DOK5: variants seen among roughly 807,000 people sequenced by gnomAD.
The protein encoded by DOK5 is docking protein 5, also known as downstream of tyrosine kinase 5.
A neutral mutation model predicts 43.3 loss-of-function variants in DOK5; 27 were observed. The observed-to-expected ratio is 0.62, with a 90% CI of 0.46 to 0.86. The LOEUF (loss-of-function observed/expected upper bound fraction) is 0.86, where lower values mean the gene tolerates loss of function less well. DOK5 is among the 40% of genes least tolerant of loss of function. The probability of loss-of-function intolerance (pLI) is 0.00; values close to 1 mark genes in which losing one functional copy is unlikely to be tolerated. For missense variants in DOK5, 373 were observed against 392.9 expected (o/e 0.95, Z 0.43); for synonymous variants, 146 against 140.1 (o/e 1.04, Z -0.30).
In DOK5 at chr20:54,641,391, T is replaced by C. The variant is rs1238368529; in HGVS notation, c.736-2067T>C. On this transcript the variant is annotated intron_variant, in intron 6 of 7. Coordinates refer to ENST00000262593, the MANE Select transcript of DOK5 (RefSeq NM_018431.5). Reference sequence around the variant, plus strand: ...ACAATGAGTTTTGGTCTTCAACATATGAAGCCTCCTATTATTTTGGCTTTA... The same window carrying C: ...ACAATGAGTTTTGGTCTTCAACATACGAAGCCTCCTATTATTTTGGCTTTA... Among the ~76,000 whole-genome samples the C allele has an allele frequency of 5.3e-5, 8 of 152,292 alleles. No homozygotes were observed. The East Asian group carries it at 7.7e-4, about 15-fold the overall frequency.
chr20:54,590,768 C>T (rs1038515551), intron 4 of DOK5, among the ~76,000 whole-genome samples: 3 of 152,020 alleles, frequency 2.0e-5, no homozygotes, highest in Admixed American at 6.6e-5. Flanking sequence ...GCCACATTGT[C>T]GTATGTAGGC....
At chr20:54,556,222 A>T (rs994985251) in intron 2 of DOK5, among the ~76,000 whole-genome samples, 3 of 152,122 alleles carry the variant, frequency 2.0e-5, no homozygotes, top group South Asian at 2.1e-4. Context: ...GCAGTTCCAC[A>T]TTCCAAGGCT....
intron 1 of DOK5, among the ~76,000 whole-genome samples, chr20:54,543,113 A>G (rs1984220172): frequency 6.6e-6 from 1 of 152,220 alleles, no homozygotes; most frequent in African/African-American, 2.4e-5. Flanking sequence ...AATTGTGTTA[A>G]AAGATAATTT....
chr20:54,555,370 A>G (rs923017300), intron 2 of DOK5: 8 of 175,566 alleles, frequency 4.6e-5, no homozygotes, highest in Non-Finnish European at 8.5e-5. Context: ...TGCCTGATGC[A>G]GAAAGACACT....
intron 1 of DOK5, among the ~76,000 whole-genome samples, chr20:54,478,099 G>C (rs1981508047): frequency 6.6e-6 from 1 of 152,134 alleles, no homozygotes; most frequent in South Asian, 2.1e-4. Context: ...TTGAATTATG[G>C]TTATTGCTCA....
chr20:54,554,265 A>G (rs1248649478), intron 1 of DOK5, among the ~76,000 whole-genome samples: 1 of 152,218 alleles, frequency 6.6e-6, no homozygotes, highest in African/African-American at 2.4e-5. Flanking sequence ...AGTAGAAATG[A>G]TCTAGTTCCC....
At chr20:54,573,700 A>C (rs1336657271) in intron 2 of DOK5, among the ~76,000 whole-genome samples, 3 of 151,650 alleles carry the variant, frequency 2.0e-5, no homozygotes, top group Non-Finnish European at 2.9e-5. Flanking sequence ...AAAAAAAAAA[A>C]AAAAAAAAAG....
intron 1 of DOK5, among the ~76,000 whole-genome samples, chr20:54,502,259 C>T (rs1453441733): frequency 6.6e-6 from 1 of 152,182 alleles, no homozygotes; most frequent in African/African-American, 2.4e-5. Context: ...GTAGACCACA[C>T]ATTCATTCAT....
At chr20:54,602,994 C>T (rs1986344348) in intron 5 of DOK5, among the ~76,000 whole-genome samples, 1 of 152,112 alleles carries the variant, frequency 6.6e-6, no homozygotes. Context: ...TTTAAGTCTG[C>T]TTTCAATTTA....
intron 1 of DOK5, among the ~76,000 whole-genome samples, chr20:54,482,229 A>T (rs1448568900): frequency 3.3e-5 from 5 of 152,188 alleles, no homozygotes; most frequent in Non-Finnish European, 7.3e-5. Context: ...CTGGACTAGG[A>T]GGTATTTTTG....
intron 5 of DOK5, among the ~76,000 whole-genome samples, chr20:54,592,731 T>G (rs1986016927): frequency 6.6e-6 from 1 of 152,134 alleles, no homozygotes; most frequent in African/African-American, 2.4e-5. Context: ...TCAGTAGAGA[T>G]GGGGTTTCAC....
intron 1 of DOK5, among the ~76,000 whole-genome samples, chr20:54,497,375 T>C (rs1378000856): frequency 6.6e-6 from 1 of 152,244 alleles, no homozygotes; most frequent in East Asian, 1.9e-4. Context: ...TTGAACAACA[T>C]GCAGCTACTT....
At chr20:54,547,838 G>A (rs571906174) in intron 1 of DOK5, among the ~76,000 whole-genome samples, 2 of 152,306 alleles carry the variant, frequency 1.3e-5, no homozygotes, top group Admixed American at 1.3e-4. Flanking sequence ...ACAGTGGCCT[G>A]TGGGGATTGA....
intron 2 of DOK5, among the ~76,000 whole-genome samples, chr20:54,570,494 C>T (rs1246685721): frequency 6.6e-6 from 1 of 152,028 alleles, no homozygotes; most frequent in Non-Finnish European, 1.5e-5. Flanking sequence ...TTCAGTCCCA[C>T]AAGGGAAAAA....
chr20:54,629,246 C>T (rs185111818), intron 6 of DOK5, among the ~76,000 whole-genome samples: 1 of 152,210 alleles, frequency 6.6e-6, no homozygotes, highest in Non-Finnish European at 1.5e-5. Context: ...ATGCACTTAA[C>T]ATATCCCTCA....
At chr20:54,564,879 A>G (rs1167161946) in intron 2 of DOK5, among the ~76,000 whole-genome samples, 1 of 152,200 alleles carries the variant, frequency 6.6e-6, no homozygotes, top group African/African-American at 2.4e-5. Context: ...TAAGCCCTGT[A>G]TGATTCTGCT....
At chr20:54,547,247 C>T (rs557547418) in intron 1 of DOK5, among the ~76,000 whole-genome samples, 1 of 152,240 alleles carries the variant, frequency 6.6e-6, no homozygotes, top group Non-Finnish European at 1.5e-5. Flanking sequence ...GACCTGGGGG[C>T]TCTCAAAGAT....
intron 1 of DOK5, among the ~76,000 whole-genome samples, chr20:54,515,708 A>C (rs1332340185): frequency 6.6e-6 from 1 of 152,228 alleles, no homozygotes; most frequent in Non-Finnish European, 1.5e-5. Flanking sequence ...TTTGTTTACC[A>C]AGAAGAAAAT....
At chr20:54,499,361 A>G (rs1982509800) in intron 1 of DOK5, among the ~76,000 whole-genome samples, 2 of 152,196 alleles carry the variant, frequency 1.3e-5, no homozygotes, top group South Asian at 4.1e-4. Context: ...AGACAGGGTA[A>G]AGGATTGGAT....
Sources: allele counts gnomAD v4.1 joint callset (sites outside exome capture counted in the v4.1 genomes callset), GRCh38; gene constraint gnomAD v4.1.1; transcripts MANE v1.5; gene names NCBI Gene and HGNC (gene_info 2026-07-23, HGNC 2026-07-21).